FRY: variants seen among roughly 807,000 people sequenced by gnomAD.
FRY encodes the protein protein furry homolog.
Under a neutral mutation model 348.4 loss-of-function variants are expected in FRY, and 128 were observed. The ratio of observed to expected loss-of-function variants is 0.37; its 90% CI spans 0.32 to 0.43. The LOEUF (loss-of-function observed/expected upper bound fraction) is 0.43. FRY is among the 20% of genes least tolerant of loss of function. The pLI, the probability that FRY is intolerant of heterozygous loss-of-function variation, is 1.00. For missense variants in FRY, 2,736 were observed against 3,695.2 expected, an observed-to-expected ratio of 0.74 and a Z score of 6.73; for synonymous variants, 1,370 against 1,374.7, an observed-to-expected ratio of 1.00 and a Z score of 0.08.
intron 11 of FRY, among the ~76,000 whole-genome samples, chr13:32,144,870 A>AG (rs925445911): frequency 2.0e-5 from 3 of 152,192 alleles, no homozygotes; most frequent in Admixed American, 6.5e-5. Context: ...AAGGAGTGGA[A>AG]GGGCTATGCT....
intron 30 of FRY, 26 bp from the exon 31 acceptor site, chr13:32,202,330 T>A: frequency 1.3e-6 from 2 of 1,592,208 alleles, no homozygotes; most frequent in Non-Finnish European, 1.7e-6. Context: ...TTCATACTAC[T>A]TTTTTACTTT....
chr13:32,151,653 G>T (rs1245864202), intron 14 of FRY, among the ~76,000 whole-genome samples: 1 of 152,198 alleles, frequency 6.6e-6, no homozygotes, highest in Non-Finnish European at 1.5e-5. Context: ...CCAGGTAATT[G>T]TCTTGTTTTA....
chr13:32,142,032 G>A (rs941612304), intron 11 of FRY, among the ~76,000 whole-genome samples: 1 of 152,128 alleles, frequency 6.6e-6, no homozygotes, highest in Non-Finnish European at 1.5e-5. Flanking sequence ...CTTGAAGCAA[G>A]TATCTTTGAC....
At chr13:32,254,834 G>A (rs768003491) in intron 51 of FRY, among the ~76,000 whole-genome samples, 3 of 152,160 alleles carry the variant, frequency 2.0e-5, no homozygotes, top group Non-Finnish European at 2.9e-5. Context: ...TGAGACCAGA[G>A]CCTGAGGGAT....
At position 32,082,220 on chromosome 13, in the gene FRY, T is replaced by TAA. The variant is rs1471505338; in HGVS notation, c.270+3187_270+3188insAA. Among the ~76,000 whole-genome samples the TAA allele has an allele frequency of 7.6e-3, 540 of 71,064 alleles. 2 individuals are homozygous for TAA. The highest frequency in any genetic ancestry group is 0.015 in the Non-Finnish European group (452 of 30,948). 46.6% of individuals were successfully genotyped at this position (71,064 alleles called of 152,430 possible). On this transcript the variant is annotated intron_variant, in intron 2 of 60. Coordinates refer to ENST00000542859, the MANE Select transcript of FRY (RefSeq NM_023037.3). ...CTTTGCAATATCCAGATAGCCAACT[T>TAA]TAAAAAAAAAAAAAAAAACAGGAAA...
intron 40 of FRY, 152 bp from the exon 41 acceptor site, chr13:32,231,027 G>A (rs1885880988): frequency 1.6e-6 from 1 of 621,180 alleles, no homozygotes; most frequent in Non-Finnish European, 2.7e-6. Context: ...ATTTGTTTAA[G>A]TTCCTTATAG....
At chr13:32,036,413 A>T (rs780132374) in intron 1 of FRY, among the ~76,000 whole-genome samples, 3 of 152,094 alleles carry the variant, frequency 2.0e-5, no homozygotes, top group Non-Finnish European at 4.4e-5. Context: ...CCAAATCAAC[A>T]TCCATGTTCT....
At chr13:32,124,435 G>T in intron 5 of FRY, 59 bp downstream of exon 5, 2 of 1,016,180 alleles carry the variant, frequency 2.0e-6, no homozygotes, top group Non-Finnish European at 3.0e-6. Flanking sequence ...AAACTACTTA[G>T]GTTGTAAAAG....
At chr13:32,061,902 A>C (rs551874904) in intron 1 of FRY, among the ~76,000 whole-genome samples, 4 of 152,302 alleles carry the variant, frequency 2.6e-5, no homozygotes, top group African/African-American at 9.6e-5. Context: ...TGCATTTTGG[A>C]TATCGGCTCT....
intron 3 of FRY, among the ~76,000 whole-genome samples, chr13:32,117,036 A>G (rs1878343920): frequency 6.6e-6 from 1 of 152,244 alleles, no homozygotes. Context: ...ACGTGGGAAC[A>G]TAATATCTTT....
intron 42 of FRY, among the ~76,000 whole-genome samples, chr13:32,235,479 C>G (rs1886172761): frequency 6.6e-6 from 1 of 152,220 alleles, no homozygotes; most frequent in Non-Finnish European, 1.5e-5. Context: ...CGAAAATTAG[C>G]TAGGCGTGGT....
chr13:32,200,595 AAG>A (rs1424587838), intron 29 of FRY, among the ~76,000 whole-genome samples: 2 of 152,180 alleles, frequency 1.3e-5, no homozygotes, highest in African/African-American at 4.8e-5. Flanking sequence ...AAAAATAAAA[AAG>A]AGAGAGAAGA....
chr13:32,057,790 T>A (rs1237999193), intron 1 of FRY, among the ~76,000 whole-genome samples: 1 of 152,048 alleles, frequency 6.6e-6, no homozygotes, highest in Non-Finnish European at 1.5e-5. Context: ...AAACCCTGTC[T>A]CTACTAAAAA....
At chr13:32,104,027 T>C (rs1877368002) in intron 3 of FRY, among the ~76,000 whole-genome samples, 1 of 152,192 alleles carries the variant, frequency 6.6e-6, no homozygotes, top group Non-Finnish European at 1.5e-5. Context: ...TTATATTCTT[T>C]GTCTCTTTAT....
intron 11 of FRY, among the ~76,000 whole-genome samples, chr13:32,145,576 C>T (rs1336703519): frequency 1.4e-4 from 18 of 127,972 alleles, no homozygotes; most frequent in East Asian, 2.5e-4. Flanking sequence ...CTCGCTCTGT[C>T]GCCCAGGCCG....
At position 32,135,193 on chromosome 13, in the gene FRY, T is replaced by C. The variant is rs1171313336; in HGVS notation, c.1077+10T>C. 4 of 1,534,144 alleles carry C rather than the reference T, an allele frequency of 2.6e-6. No homozygotes were observed. Among genetic ancestry groups the C allele is most frequent in the Non-Finnish European group, 3.6e-6 (4 of 1,107,144 alleles). On this transcript the variant is annotated intron_variant, in intron 10 of 60. Coordinates refer to ENST00000542859, the MANE Select transcript of FRY (RefSeq NM_023037.3). ...AAAGAAGCATTCCTTGGTTAGTAAC[T>C]ATGAGAAAATCGAAAACACAAACAA... is the stretch of plus-strand genomic sequence containing the variant.
chr13:32,174,119 A>G (rs114491968), intron 19 of FRY, among the ~76,000 whole-genome samples: 429 of 152,356 alleles, frequency 2.8e-3, no homozygotes, highest in African/African-American at 8.1e-3. Flanking sequence ...GCTATCTTGC[A>G]AGCTGGCATG....
intron 1 of FRY, among the ~76,000 whole-genome samples, chr13:32,039,207 A>G (rs1872660397): frequency 1.3e-5 from 2 of 152,240 alleles, no homozygotes; most frequent in African/African-American, 4.8e-5. Context: ...TTCTTCTAGC[A>G]GATGGCTGAA....
intron 4 of FRY, among the ~76,000 whole-genome samples, chr13:32,119,169 GA>G (rs1215609139): frequency 6.6e-6 from 1 of 152,164 alleles, no homozygotes; most frequent in African/African-American, 2.4e-5. Context: ...AAATAAGAGA[GA>G]AAATGTGCTT....
Sources: allele counts gnomAD v4.1 joint callset (sites outside exome capture counted in the v4.1 genomes callset), GRCh38; gene constraint gnomAD v4.1.1; transcripts MANE v1.5; gene names NCBI Gene and HGNC (gene_info 2026-07-23, HGNC 2026-07-21).